FGGY: variants seen among roughly 807,000 people sequenced by gnomAD.
FGGY encodes the protein FGGY carbohydrate kinase domain containing, also known as FGGY carbohydrate kinase domain-containing protein.
A neutral mutation model predicts 71.3 loss-of-function variants in FGGY; 72 were observed. The ratio of observed to expected loss-of-function variants is 1.01; its 90% confidence interval spans 0.84 to 1.23. The LOEUF is 1.23. Among genes scored for constraint, FGGY ranks in the 50% most tolerant of loss-of-function variants. FGGY has a pLI of 0.00. For missense variants in FGGY, 668 were observed against 682.3 expected, an observed-to-expected ratio of 0.98 and a Z score of 0.23; for synonymous variants, 251 against 250.3, an observed-to-expected ratio of 1.00 and a Z score of -0.02.
At chr1:59,332,556 G>A (rs1272199001) in intron 2 of FGGY, among the ~76,000 whole-genome samples, 1 of 151,980 alleles carries the variant, frequency 6.6e-6, no homozygotes, top group East Asian at 1.9e-4. Flanking sequence ...TGTAAGGCTG[G>A]GGAAATAGTA....
chr1:59,619,386 T>C (rs965089962), intron 9 of FGGY, among the ~76,000 whole-genome samples: 2 of 151,900 alleles, frequency 1.3e-5, no homozygotes, highest in Non-Finnish European at 2.9e-5. Context: ...TTAAGACAAA[T>C]AGAGGAGGTA....
At position 59,697,588 on chromosome 1, in the gene FGGY, T is replaced by C. The variant is rs547813113; in HGVS notation, c.1512+23455T>C. Reference sequence around the variant, plus strand: ...AGCTTGTTCTCTGTGATCTGCTGATTATAACCATCGTCGCTGTGAAGACTT... The same window carrying C: ...AGCTTGTTCTCTGTGATCTGCTGATCATAACCATCGTCGCTGTGAAGACTT... On this transcript the variant is annotated intron_variant, in intron 14 of 15. Transcript: ENST00000303721. 1.7e-4 allele frequency: 171 copies of C among 981,560 alleles called. No individual in the cohort carries two copies. The African/African-American group carries it at 2.8e-3, about 16-fold the overall frequency. 60.8% of individuals were successfully genotyped at this position (981,560 alleles called of 1,614,324 possible). A position where few individuals can be genotyped will look rare whatever the true frequency, so the allele number is the denominator to read the frequency against.
intron 1 of FGGY, among the ~76,000 whole-genome samples, chr1:59,300,432 T>G (rs2042586091): frequency 6.6e-6 from 1 of 152,222 alleles, no homozygotes; most frequent in Admixed American, 6.5e-5. Context: ...ATTTTGATGC[T>G]TGTCTCAACA....
chr1:59,648,838 G>A (rs894796505), intron 11 of FGGY, among the ~76,000 whole-genome samples: 6 of 152,114 alleles, frequency 3.9e-5, no homozygotes, highest in African/African-American at 1.4e-4. Flanking sequence ...CCTATGTCCT[G>A]AATGGTCATG....
At chr1:59,669,905 G>A (rs898408709) in intron 13 of FGGY, among the ~76,000 whole-genome samples, 2 of 152,166 alleles carry the variant, frequency 1.3e-5, no homozygotes, top group Non-Finnish European at 2.9e-5. Context: ...TACATCCCTG[G>A]GCTGACTCAG....
In FGGY at chr1:59,408,133, T is replaced by G. The variant is rs75863255; in HGVS notation, c.554+29296T>G. ...AAACTCGAATTCTGGGGCAAGTGCATTGGGCTTTGCCACCTGCAAGCTGTG... is the reference window on the plus strand; with the variant it reads ...AAACTCGAATTCTGGGGCAAGTGCAGTGGGCTTTGCCACCTGCAAGCTGTG... On this transcript the variant is annotated intron_variant, in intron 5 of 15. Transcript: ENST00000303721. Among the ~76,000 whole-genome samples, 510 of 152,314 alleles carry G rather than the reference T, an allele frequency of 3.3e-3. 1 individual carries two copies. The highest frequency in any genetic ancestry group is 0.011 in the African/African-American group (476 of 41,566).
chr1:59,473,055 T>C (rs6669848), intron 6 of FGGY, among the ~76,000 whole-genome samples: 62,542 of 151,872 alleles, frequency 0.41, 13,047 homozygotes, highest in Middle Eastern at 0.5. Context: ...AGAATAAAAG[T>C]AGGCTGCCCG....
At chr1:59,449,890 A>G (rs1409572649) in intron 5 of FGGY, among the ~76,000 whole-genome samples, 1 of 152,138 alleles carries the variant, frequency 6.6e-6, no homozygotes, top group Non-Finnish European at 1.5e-5. Context: ...GGATTCCTTA[A>G]GCTCAGGAGT....
intron 9 of FGGY, among the ~76,000 whole-genome samples, chr1:59,618,747 A>AAG (rs573306864): frequency 1.3e-5 from 2 of 151,436 alleles, no homozygotes; most frequent in Admixed American, 6.6e-5. Context: ...CTTAGAGAGA[A>AAG]AGAGAGAGAG....
chr1:59,449,448 A>T (rs2072119272), intron 5 of FGGY, among the ~76,000 whole-genome samples: 3 of 151,174 alleles, frequency 2.0e-5, no homozygotes, highest in Non-Finnish European at 3.0e-5. Context: ...CGCCCAACTA[A>T]TTTTTTTTGT....
chr1:59,489,488 C>T (rs142043034), intron 6 of FGGY, among the ~76,000 whole-genome samples: 198 of 152,196 alleles, frequency 1.3e-3, no homozygotes, highest in African/African-American at 4.5e-3. Flanking sequence ...CTGTTCTTGG[C>T]GTATTTCACT....
intron 6 of FGGY, among the ~76,000 whole-genome samples, chr1:59,502,160 C>T (rs1315226025): frequency 6.6e-6 from 1 of 152,182 alleles, no homozygotes; most frequent in East Asian, 1.9e-4. Context: ...GATAAAGCCA[C>T]CACCATCCAA....
At chr1:59,467,006 A>G (rs1485578125) in intron 6 of FGGY, among the ~76,000 whole-genome samples, 3 of 152,224 alleles carry the variant, frequency 2.0e-5, no homozygotes, top group Non-Finnish European at 4.4e-5. Flanking sequence ...TACTGGGTAT[A>G]TACCCACGGA....
In FGGY at chr1:59,372,345, C is replaced by A. The variant is rs535807660; in HGVS notation, c.466-6404C>A. On this transcript the variant is annotated intron_variant, in intron 4 of 15. Coordinates refer to ENST00000303721, the MANE Select transcript of FGGY (RefSeq NM_018291.5). ...AAATTACTTGACACATACACTCTCC[C>A]AAGACTAAACCAGGAAGAAGTTGAA... 5.3e-5 allele frequency among the ~76,000 whole-genome samples: 8 copies of A among 152,272 alleles called. No individual in the cohort carries two copies. In the South Asian group the frequency reaches 1.2e-3, roughly 24 times the overall value.
chr1:59,379,162 A>AACACACACAC (rs55986439), intron 5 of FGGY, among the ~76,000 whole-genome samples: 7,357 of 143,090 alleles, frequency 0.051, 262 homozygotes, highest in African/African-American at 0.092. Flanking sequence ...GGAAAAAATA[A>AACACACACAC]ACACACACAC....
intron 7 of FGGY, among the ~76,000 whole-genome samples, chr1:59,533,437 A>G (rs1192720002): frequency 6.6e-6 from 1 of 152,240 alleles, no homozygotes. Context: ...GGCGCCCGCC[A>G]TTGCCCAGGC....
Position 59,516,034 on chromosome 1 carries a change from C to T in FGGY, c.799+3595C>T, listed in dbSNP as rs894248565. Among the ~76,000 whole-genome samples, 14 of 152,248 alleles carry T rather than the reference C, an allele frequency of 9.2e-5. No homozygotes were observed. In the South Asian group the frequency reaches 1.0e-3, roughly 11 times the overall value. ...ACAGGAAGGTGATAGTCCATGATGA[C>T]GGGTTGATACAGACTTACTTAATAT... On this transcript the variant is annotated intron_variant, in intron 7 of 15. Transcript: ENST00000303721.
chr1:59,675,173 A>G (rs560656232), intron 14 of FGGY, among the ~76,000 whole-genome samples: 1 of 152,270 alleles, frequency 6.6e-6, no homozygotes, highest in East Asian at 1.9e-4. Flanking sequence ...CGTTCAAGAG[A>G]TATTTGTTCA....
intron 13 of FGGY, chr1:59,673,762 G>A: frequency 2.8e-6 from 1 of 352,642 alleles, no homozygotes; most frequent in Non-Finnish European, 5.4e-6. Context: ...GTAGCAGCTT[G>A]CAGAAGCCTG....
Sources: gnomAD v4.1 joint callset for allele counts (sites outside exome capture counted in the v4.1 genomes callset) on GRCh38, gnomAD v4.1.1 for gene constraint, MANE v1.5 for transcripts, NCBI Gene and HGNC (gene_info 2026-07-23, HGNC 2026-07-21) for gene names.